Variants in CDCA7 observed in about 807,000 individuals in gnomAD.
CDCA7 encodes cell division cycle-associated protein 7.
Under a neutral mutation model 54.0 loss-of-function variants are expected in CDCA7, and 28 were observed. The ratio of observed to expected loss-of-function variants is 0.52; its 90% CI spans 0.38 to 0.71. The LOEUF (loss-of-function observed/expected upper bound fraction) is 0.71, where lower values mean the gene tolerates loss of function less well. Among genes scored for constraint, CDCA7 ranks in the 30% least tolerant of loss-of-function variants. The pLI is 0.00. For missense variants in CDCA7, 484 were observed against 586.0 expected, an observed-to-expected ratio of 0.83 and a Z score of 1.80; for synonymous variants, 180 against 208.2, an observed-to-expected ratio of 0.86 and a Z score of 1.16.
At chr2:173,364,063 G>T in intron 5 of CDCA7, 168 bp downstream of exon 5, 1 of 576,184 alleles carries the variant, frequency 1.7e-6, no homozygotes, top group South Asian at 2.5e-5. Context: ...CTTGAATCCT[G>T]GGCAGTTTGG....
rs1444929818 is a variant in CDCA7 at position 173,363,258 on chromosome 2, C to T, written c.417C>T (p.Thr139=). Residue 139 remains threonine, a synonymous_variant, in exon 4 of 10, where the codon ACC becomes ACT. Coordinates refer to ENST00000306721, the MANE Select transcript of CDCA7 (RefSeq NM_031942.5). ...AGTCAGTTCGGGAAGGCTGTAGGAC[C>T]CGCAGCCAGTGCAGGCACTCTGGAC... is the stretch of plus-strand genomic sequence containing the variant. ...RLQSVREGCR[T]RSQCRHSGPL... 1.2e-6 allele frequency: 2 copies of T among 1,614,108 alleles called. No individual in the cohort carries two copies.
chr2:173,367,957 TAC>T lies in CDCA7; in HGVS notation c.*295_*296del. 1 of 459,064 alleles carries T rather than the reference TAC, an allele frequency of 2.2e-6. No homozygotes were observed. Among genetic ancestry groups the T allele is most frequent in the Non-Finnish European group, 3.9e-6 (1 of 259,302 alleles). 28.4% of individuals were successfully genotyped at this position (459,064 alleles called of 1,614,324 possible). A position where few individuals can be genotyped will look rare whatever the true frequency, so the allele number is the denominator to read the frequency against. On this transcript the variant is annotated 3_prime_UTR_variant, in exon 10 of 10. Transcript: ENST00000306721. Reference sequence around the variant, plus strand: ...CTTAGTTTCTGAATTTCTTTTAAATTACAGTTTTATGAAAGCATATTTTATTT... The same window carrying T: ...CTTAGTTTCTGAATTTCTTTTAAATTAGTTTTATGAAAGCATATTTTATTT...
chr2:173,356,911 A>G (rs1686517828), intron 1 of CDCA7, among the ~76,000 whole-genome samples: 2 of 152,214 alleles, frequency 1.3e-5, no homozygotes, highest in South Asian at 4.1e-4. Flanking sequence ...GAGTTTACTT[A>G]GGGGTATAGG....
chr2:173,364,813 A>G lies in CDCA7; in HGVS notation c.718A>G (p.Arg240Gly). The change falls in exon 6 of 10, where the codon AGG (arginine) becomes GGG (glycine). Residue 240 changes from arginine to glycine, a missense_variant. Arg to Gly is a moderately radical substitution (Grantham distance 125). This residue lies in a region of CDCA7 where 398 missense variants were observed against 447.4 expected (regional missense o/e 0.89). Coordinates refer to ENST00000306721, the MANE Select transcript of CDCA7 (RefSeq NM_031942.5). ...TGTTTAGCAATCAAGGAGACCGCGA[A>G]GGCGTACATTCCCGGGTGTTGCTTC... The part of the protein sequence containing the change: ...GSDSQSRRPR[R>G]RTFPGVASRR... The G allele has an allele frequency of 6.2e-7, 1 of 1,608,166 alleles. No individual in the cohort carries two copies. Among genetic ancestry groups the G allele is most frequent in the Non-Finnish European group, 8.5e-7 (1 of 1,178,174 alleles).
In CDCA7 at chr2:173,363,417, T is replaced by C; in HGVS notation, c.576T>C (p.Asn192=). Residue 192 remains asparagine (N), a synonymous_variant, in exon 4 of 10, where the codon AAT becomes AAC. Transcript: ENST00000306721. ...NSDSEDESGM[N]FLEKRALNIK... ...ATTCAGAAGATGAAAGTGGAATGAA[T>C]TTTTTGGAGAAAAGGGCTTTAAATA... 6.2e-7 allele frequency: 1 copy of C among 1,614,194 alleles called. No individual in the cohort carries two copies. The highest frequency in any genetic ancestry group is 8.5e-7 in the Non-Finnish European group (1 of 1,180,024).
Position 173,365,533 on chromosome 2 carries a change from G to A in CDCA7, c.976G>A (p.Glu326Lys). 1 of 1,614,162 alleles carries A rather than the reference G, an allele frequency of 6.2e-7. No homozygotes were observed. The highest frequency in any genetic ancestry group is 1.7e-5 in the Admixed American group (1 of 60,020). ...AATTCGCCCAGTGGAAGAAATTACA[G>A]AGGAGGAGTTGGAGAACGTCTGCAG... ...HIIRPVEEIT[E>K]EELENVCSNS... is the part of the protein sequence containing the mutation. Residue 326 changes from glutamate to lysine, a missense_variant, in exon 7 of 10, where the codon GAG becomes AAG. By Grantham distance (56) the Glu-to-Lys change is moderately conservative (BLOSUM62 1). Transcript: ENST00000306721.
intron 2 of CDCA7, 147 bp from the exon 3 acceptor site, chr2:173,359,107 TA>T: frequency 1.3e-6 from 1 of 768,506 alleles, no homozygotes; most frequent in Non-Finnish European, 2.1e-6. Flanking sequence ...AAATCATTTG[TA>T]AACCTCTGAA....
chr2:173,363,770 A>G (rs1259934679), intron 4 of CDCA7, 48 bp from the exon 5 acceptor site: 2 of 1,568,932 alleles, frequency 1.3e-6, no homozygotes, highest in Non-Finnish European at 1.8e-6. Flanking sequence ...CTCATTTTCG[A>G]CAGTTATTCT....
At chr2:173,359,233 C>T in intron 2 of CDCA7, 22 bp from the exon 3 acceptor site, 2 of 1,576,382 alleles carry the variant, frequency 1.3e-6, no homozygotes, top group Non-Finnish European at 1.7e-6. Context: ...TGCACAACCG[C>T]ATTTATTTAT....
chr2:173,361,116 C>T (rs1686612704), intron 3 of CDCA7, among the ~76,000 whole-genome samples: 1 of 152,132 alleles, frequency 6.6e-6, no homozygotes, highest in Non-Finnish European at 1.5e-5. Context: ...TATGTTGTGG[C>T]ATGTGTTAGT....
At position 173,366,197 on chromosome 2, in the gene CDCA7, G is replaced by A. The variant is rs1222559485; in HGVS notation, c.1036-86G>A. On this transcript the variant is annotated intron_variant, in intron 7 of 9. Coordinates refer to ENST00000306721, the MANE Select transcript of CDCA7 (RefSeq NM_031942.5). This position sits in a 1 kb window ranked among gnomAD's most constrained non-coding sequence, Gnocchi z 4.5. ...TAGACAAAATGTAAGCCTATACTAC[G>A]AAGAGGGACATTCTGTAAATATGCC... is the stretch of plus-strand genomic sequence containing the variant. 4.8e-6 allele frequency: 7 copies of A among 1,453,736 alleles called. No individual in the cohort carries two copies. The highest frequency in any genetic ancestry group is 4.0e-5 in the South Asian group (3 of 75,866). The allele number at this position is 1,453,736 out of a possible 1,614,324, so 90.1% of individuals were successfully genotyped here.
intron 9 of CDCA7, 124 bp from the exon 10 acceptor site, chr2:173,367,510 C>T (rs146436715): frequency 2.9e-5 from 39 of 1,324,704 alleles, no homozygotes; most frequent in Admixed American, 2.0e-4. Flanking sequence ...CTTGAAGATG[C>T]GCACACTTGA....
At position 173,366,506 on chromosome 2, in the gene CDCA7, A is replaced by C; in HGVS notation, c.1185+74A>C. ...AACTGTGATGAGGCCAGAAAAAGGC[A>C]TTGGTGAAGGGGTGGAGCCCTTTCT... is the stretch of plus-strand genomic sequence containing the variant. On this transcript the variant is annotated intron_variant, in intron 8 of 9. Transcript: ENST00000306721. The surrounding 1 kb of genome is among the most constrained non-coding windows in gnomAD (Gnocchi z 4.5). The C allele has an allele frequency of 6.4e-7, 1 of 1,572,630 alleles. No individual in the cohort carries two copies.
At position 173,354,932 on chromosome 2, in the gene CDCA7, T is replaced by C. The variant is rs1375383609; in HGVS notation, c.-32T>C. 4.1e-6 allele frequency: 6 copies of C among 1,457,040 alleles called. No homozygotes were observed. Among genetic ancestry groups the C allele is most frequent in the Non-Finnish European group, 4.5e-6 (5 of 1,109,314 alleles). 90.3% of individuals were successfully genotyped at this position (1,457,040 alleles called of 1,614,324 possible). ...CGCGCGGCTGCTCCGCTCTCCCCGCTCCAAGCGCCGATCTGGGCACCCGCC... is the reference window on the plus strand; with the variant it reads ...CGCGCGGCTGCTCCGCTCTCCCCGCCCCAAGCGCCGATCTGGGCACCCGCC... On this transcript the variant is annotated 5_prime_UTR_variant, in exon 1 of 10. Transcript: ENST00000306721.
At chr2:173,360,838 A>AT (rs67352963) in intron 3 of CDCA7, among the ~76,000 whole-genome samples, 3,741 of 151,818 alleles carry the variant, frequency 0.025, 119 homozygotes, top group East Asian at 0.16. Flanking sequence ...TTTATGGGTG[A>AT]TTTTTTTCTT....
At chr2:173,356,656 C>G (rs1220457284) in intron 1 of CDCA7, among the ~76,000 whole-genome samples, 2 of 152,148 alleles carry the variant, frequency 1.3e-5, no homozygotes, top group Non-Finnish European at 2.9e-5. Context: ...ATGTACGCAC[C>G]GCCACATCCG....
At chr2:173,355,211 CTT>C (rs1199557771) in intron 1 of CDCA7, among the ~76,000 whole-genome samples, 1 of 152,254 alleles carries the variant, frequency 6.6e-6, no homozygotes, top group Non-Finnish European at 1.5e-5. Flanking sequence ...GGCGTGGAGA[CTT>C]GAGTCGTTTG....
At chr2:173,365,885 A>G (rs1040683384) in intron 7 of CDCA7, among the ~76,000 whole-genome samples, 1 of 152,228 alleles carries the variant, frequency 6.6e-6, no homozygotes, top group Non-Finnish European at 1.5e-5. Flanking sequence ...ATACATAGCT[A>G]GGTGCTGGAG....
intron 9 of CDCA7, 38 bp from the exon 10 acceptor site, chr2:173,367,596 A>C: frequency 6.2e-7 from 1 of 1,612,290 alleles, no homozygotes. Context: ...CTTTGGTTGA[A>C]AACTATGTCC....
Sources: gnomAD v4.1 joint callset for allele counts (sites outside exome capture counted in the v4.1 genomes callset) on GRCh38, gnomAD v4.1.1 for gene constraint, gnomAD v4.1.1 regional missense constraint, Gnocchi (gnomAD v3.1) non-coding constraint, MANE v1.5 for transcripts, NCBI Gene and HGNC (gene_info 2026-07-23, HGNC 2026-07-21) for gene names.